Variants in FSD2 observed in about 807,000 individuals in gnomAD.
The protein encoded by FSD2 is fibronectin type III and SPRY domain containing 2, also known as fibronectin type III and SPRY domain-containing protein 2.
A neutral mutation model predicts 80.4 loss-of-function variants in FSD2; 71 were observed. That is an observed-to-expected ratio of 0.88 (90% CI 0.73 to 1.08). The LOEUF (loss-of-function observed/expected upper bound fraction) is 1.08. FSD2 is among the 50% of genes least tolerant of loss of function. FSD2 has a pLI of 0.00. For synonymous variants in FSD2, 361 were observed against 329.5 expected, an observed-to-expected ratio of 1.10 and a Z score of -1.03; for missense variants, 923 against 913.8, an observed-to-expected ratio of 1.01 and a Z score of -0.13.
Position 82,782,783 on chromosome 15 carries a change from T to G in FSD2, c.966+12A>C. ...CATTATGTTCATTATTTCATTTTGT[T>G]TCATTACTGACCTTTATGAAATCCA... is the stretch of plus-strand genomic sequence containing the variant. On this transcript the variant is annotated intron_variant, in intron 4 of 12. Transcript: ENST00000334574. 2 of 1,566,856 alleles carry G rather than the reference T, an allele frequency of 1.3e-6. No homozygotes were observed. Among genetic ancestry groups the G allele is most frequent in the Non-Finnish European group, 1.7e-6 (2 of 1,147,228 alleles).
chr15:82,756,054 A>C lies in FSD2; in HGVS notation c.*3294T>G, dbSNP rs1555474046. ...TGTTTGCAAAATAAATTCAAGACCT[A>C]CTTATCTACCAACAGCAATTACACG... On this transcript the variant is annotated 3_prime_UTR_variant, in exon 13 of 13. Transcript: ENST00000334574. 2.0e-6 allele frequency: 1 copy of C among 496,638 alleles called. No individual in the cohort carries two copies. The highest frequency in any genetic ancestry group is 4.1e-6 in the Non-Finnish European group (1 of 246,786). 30.8% of individuals were successfully genotyped at this position (496,638 alleles called of 1,614,324 possible).
intron 3 of FSD2, 71 bp downstream of exon 3, chr15:82,786,440 G>T: frequency 8.6e-7 from 1 of 1,163,524 alleles, no homozygotes; most frequent in Non-Finnish European, 1.3e-6. Context: ...GCTCATACCA[G>T]AAACAGCTGC....
At chr15:82,786,378 G>A (rs901660945) in intron 3 of FSD2, 133 bp downstream of exon 3, 7 of 681,050 alleles carry the variant, frequency 1.0e-5, no homozygotes, top group Non-Finnish European at 1.5e-5. Flanking sequence ...AAAGAAGGGA[G>A]GAGAGAAGGG....
At chr15:82,774,266 G>A (rs901033208) in intron 6 of FSD2, among the ~76,000 whole-genome samples, 3 of 152,066 alleles carry the variant, frequency 2.0e-5, no homozygotes, top group African/African-American at 4.8e-5. Context: ...TGTAGAGATA[G>A]GGTCTTGCTA....
intron 1 of FSD2, among the ~76,000 whole-genome samples, chr15:82,789,258 A>C (rs2050081311): frequency 6.6e-6 from 1 of 152,058 alleles, no homozygotes; most frequent in African/African-American, 2.4e-5. Context: ...TTGGAAAAAG[A>C]CATACAATAT....
Position 82,769,047 on chromosome 15 carries a change from G to A in FSD2, c.1403-17C>T. 3.2e-6 allele frequency: 5 copies of A among 1,552,352 alleles called. No homozygotes were observed. The South Asian group carries it at 6.3e-5, about 20-fold the overall frequency. On this transcript the variant is annotated splice_polypyrimidine_tract_variant and intron_variant, in intron 8 of 12. Transcript: ENST00000334574. Reference sequence around the variant, plus strand: ...GAGAAGGTGCTAAATGTGGGAGAAAGGGAGAGATGAACAACTGTTGTGTTC... The same window carrying A: ...GAGAAGGTGCTAAATGTGGGAGAAAAGGAGAGATGAACAACTGTTGTGTTC...
intron 6 of FSD2, among the ~76,000 whole-genome samples, chr15:82,774,458 A>G (rs2049664526): frequency 6.6e-6 from 1 of 152,174 alleles, no homozygotes; most frequent in African/African-American, 2.4e-5. Context: ...CCATATTCCT[A>G]TGAGGTATTA....
rs551681844 is a variant in FSD2 at position 82,756,912 on chromosome 15, G to T, written c.*2436C>A. 4.6e-5 allele frequency: 7 copies of T among 152,240 alleles called. No homozygotes were observed. In the South Asian group the frequency reaches 1.5e-3, roughly 32 times the overall value. 9.4% of individuals were successfully genotyped at this position (152,240 alleles called of 1,614,324 possible). On this transcript the variant is annotated 3_prime_UTR_variant, in exon 13 of 13. Coordinates refer to ENST00000334574, the MANE Select transcript of FSD2 (RefSeq NM_001007122.4). ...GCTTTGTTTTTTAACAGACTTATCAGCAGGTTGCAGGTGAACATGGCCTTG... is the reference window on the plus strand; with the variant it reads ...GCTTTGTTTTTTAACAGACTTATCATCAGGTTGCAGGTGAACATGGCCTTG...
At chr15:82,778,971 A>G (rs2049787910) in intron 5 of FSD2, 84 bp from the exon 6 acceptor site, 1 of 1,464,634 alleles carries the variant, frequency 6.8e-7, no homozygotes, top group Admixed American at 2.0e-5. Flanking sequence ...ACTGTCATAA[A>G]TGAAGAGGGG....
rs763092865 is a variant in FSD2, at chr15:82,787,224, C to T, written c.167G>A (p.Arg56Lys). 6.2e-7 allele frequency: 1 copy of T among 1,613,972 alleles called. No individual in the cohort carries two copies. Among genetic ancestry groups the T allele is most frequent in the South Asian group, 1.1e-5 (1 of 91,080 alleles). The change falls in exon 2 of 13, where the codon AGA (arginine) becomes AAA (lysine). Residue 56 changes from arginine to lysine, a missense_variant. Physicochemically the swap from Arg to Lys is conservative, Grantham distance 26. Coordinates refer to ENST00000334574, the MANE Select transcript of FSD2 (RefSeq NM_001007122.4). ...TTGAGCCTTACCATCCCCTGCTCCTCTTGACTCATTGGCCATTTCAGCTTG... is the reference window on the plus strand; with the variant it reads ...TTGAGCCTTACCATCCCCTGCTCCTTTTGACTCATTGGCCATTTCAGCTTG... Reference protein sequence around the residue: ...VVQAEMANESRGAGDGKAQRD... With the variant: ...VVQAEMANESKGAGDGKAQRD...
In FSD2 at chr15:82,787,334, G is replaced by A; in HGVS notation, c.57C>T (p.Phe19=). ...LGLDRSTPKD[F]HFYHMDLYDS... ...CATACAGGTCCATGTGGTAAAAGTG[G>A]AAATCCTTGGGAGTAGACCTGTCCA... The change falls in exon 2 of 13, where the codon TTC becomes TTT. Residue 19 remains phenylalanine (F), a synonymous_variant. Transcript: ENST00000334574. The A allele has an allele frequency of 6.2e-7, 1 of 1,613,850 alleles. No individual in the cohort carries two copies. Among genetic ancestry groups the A allele is most frequent in the Non-Finnish European group, 8.5e-7 (1 of 1,179,868 alleles).
At chr15:82,793,502 C>G (rs1453899067) in intron 1 of FSD2, among the ~76,000 whole-genome samples, 1 of 152,192 alleles carries the variant, frequency 6.6e-6, no homozygotes, top group Admixed American at 6.5e-5. Context: ...TTGTGTGTCA[C>G]TTCCATGACT....
chr15:82,781,484 C>T (rs1469036673), intron 4 of FSD2, among the ~76,000 whole-genome samples: 3 of 152,140 alleles, frequency 2.0e-5, no homozygotes, highest in Admixed American at 1.3e-4. Context: ...GAAGGCCCCT[C>T]CCCCACGCCC....
At chr15:82,795,216 A>G (rs2050236298) in intron 1 of FSD2, among the ~76,000 whole-genome samples, 1 of 152,152 alleles carries the variant, frequency 6.6e-6, no homozygotes, top group Admixed American at 6.5e-5. Flanking sequence ...TATCTTGTAG[A>G]CAACATAGAG....
intron 1 of FSD2, among the ~76,000 whole-genome samples, chr15:82,795,127 T>C (rs2050234194): frequency 1.3e-5 from 2 of 152,238 alleles, no homozygotes; most frequent in South Asian, 2.1e-4. Flanking sequence ...TCTAGCTTTC[T>C]TGTGGTTGCT....
rs1469599049 is a variant in FSD2, at chr15:82,762,224, C to T, written c.1875G>A (p.Glu625=). Residue 625 remains glutamate (E), a synonymous_variant, in exon 12 of 13, where the codon GAG becomes GAA. Coordinates refer to ENST00000334574, the MANE Select transcript of FSD2 (RefSeq NM_001007122.4). ...AGTCCAAATGCTCATCCACCTCCAC[C>T]TCCCAGTAATGGTGCCCTCGGACTG... The part of the protein sequence containing the change: ...LIPVRGHHYW[E]VEVDEHLDYR... 1.9e-6 allele frequency: 3 copies of T among 1,613,980 alleles called. No homozygotes were observed. The South Asian group carries it at 3.3e-5, about 18-fold the overall frequency.
intron 10 of FSD2, 94 bp from the exon 11 acceptor site, chr15:82,765,392 C>A: frequency 6.6e-7 from 1 of 1,525,582 alleles, no homozygotes; most frequent in East Asian, 2.3e-5. Flanking sequence ...GTGGGATACA[C>A]CTAAGCCTGG....
At chr15:82,790,546 G>GTT (rs2050116737) in intron 1 of FSD2, among the ~76,000 whole-genome samples, 1 of 148,508 alleles carries the variant, frequency 6.7e-6, no homozygotes, top group Non-Finnish European at 1.5e-5. Flanking sequence ...GCTGCCATTT[G>GTT]TGTGTGTGTG....
At chr15:82,780,993 A>AC (rs1173344711) in intron 4 of FSD2, among the ~76,000 whole-genome samples, 2 of 152,210 alleles carry the variant, frequency 1.3e-5, no homozygotes, top group South Asian at 4.2e-4. Flanking sequence ...CTATGATCAC[A>AC]CCACTCTCCT....
Sources: gnomAD v4.1 joint callset for allele counts (sites outside exome capture counted in the v4.1 genomes callset) on GRCh38, gnomAD v4.1.1 for gene constraint, MANE v1.5 for transcripts, NCBI Gene and HGNC (gene_info 2026-07-23, HGNC 2026-07-21) for gene names.